The following FBXO25 variants were observed in gnomAD, a reference collection of about 807,000 sequenced individuals.
FBXO25 encodes the protein F-box protein 25.
A neutral mutation model predicts 51.9 loss-of-function variants in FBXO25; 45 were observed. That is an observed-to-expected ratio of 0.87 (90% CI 0.68 to 1.11). The LOEUF (loss-of-function observed/expected upper bound fraction) is 1.11. Among genes scored for constraint, FBXO25 ranks in the 50% most tolerant of loss-of-function variants. The pLI is 0.00. For synonymous variants in FBXO25, 199 were observed against 151.0 expected (o/e 1.32, Z -2.33); for missense variants, 507 against 428.5 (o/e 1.18, Z -1.62).
intron 2 of FBXO25, among the ~76,000 whole-genome samples, chr8:416,776 C>T (rs1305553007): frequency 6.6e-6 from 1 of 152,220 alleles, no homozygotes; most frequent in Non-Finnish European, 1.5e-5. Context: ...TTACTATGTG[C>T]TGTGGTGTCA....
chr8:461,429 G>A (rs914211598), intron 8 of FBXO25, among the ~76,000 whole-genome samples: 1 of 152,188 alleles, frequency 6.6e-6, no homozygotes, highest in Non-Finnish European at 1.5e-5. Context: ...ATGGCAGCAG[G>A]CAAGAGAGCA....
chr8:424,039 A>T (rs953578673), intron 2 of FBXO25, among the ~76,000 whole-genome samples: 2 of 151,128 alleles, frequency 1.3e-5, no homozygotes, highest in Admixed American at 6.6e-5. Context: ...CTCTAATGCT[A>T]TGTGGTACTG....
chr8:446,878 C>G (rs111437374), intron 5 of FBXO25, among the ~76,000 whole-genome samples: 17 of 152,158 alleles, frequency 1.1e-4, no homozygotes, highest in African/African-American at 3.9e-4. Flanking sequence ...TTAGTGATTT[C>G]TCATTCTGGA....
chr8:423,245 T>C (rs1303201665), intron 2 of FBXO25, among the ~76,000 whole-genome samples: 3 of 152,128 alleles, frequency 2.0e-5, no homozygotes, highest in Non-Finnish European at 4.4e-5. Flanking sequence ...GGGGCTAGAG[T>C]CTTCACCATT....
chr8:455,289 G>C (rs968050364), intron 7 of FBXO25, among the ~76,000 whole-genome samples: 1 of 152,202 alleles, frequency 6.6e-6, no homozygotes, highest in Admixed American at 6.5e-5. Context: ...GCCAGGCAGG[G>C]ACCAGCCAGG....
At position 470,854 on chromosome 8, in the gene FBXO25, T is replaced by A. The variant is rs1355846054; in HGVS notation, c.*2050T>A. On this transcript the variant is annotated 3_prime_UTR_variant, in exon 10 of 10. Coordinates refer to ENST00000350302, the MANE Select transcript of FBXO25 (RefSeq NM_183420.2). ...TATATTTATTATCCATTTGCTTTTC[T>A]TGTTTTTGGTAAATTACTTAATGTG... 1 of 152,232 alleles carries A rather than the reference T, an allele frequency of 6.6e-6. No individual in the cohort carries two copies. Among genetic ancestry groups the A allele is most frequent in the Non-Finnish European group, 1.5e-5 (1 of 68,044 alleles). 9.4% of individuals were successfully genotyped at this position (152,232 alleles called of 1,614,324 possible). A position where few individuals can be genotyped will look rare whatever the true frequency, so the allele number is the denominator to read the frequency against.
chr8:439,905 A>C (rs1313955510), intron 5 of FBXO25, among the ~76,000 whole-genome samples: 1 of 152,070 alleles, frequency 6.6e-6, no homozygotes, highest in African/African-American at 2.4e-5. Flanking sequence ...CTGTTTTTAC[A>C]AATAATAATA....
rs1180716508 is a variant in FBXO25 at position 471,134 on chromosome 8, C to T, written c.*2330C>T. 4.6e-5 allele frequency: 7 copies of T among 152,176 alleles called. 1 individual carries two copies. Among genetic ancestry groups the T allele is most frequent in the Admixed American group, 3.3e-4 (5 of 15,278 alleles). 9.4% of individuals were successfully genotyped at this position (152,176 alleles called of 1,614,324 possible). The stretch of plus-strand genomic sequence containing the variant: ...ATAGTGTAGGATTCCAGCTGTTCTG[C>T]TGGGCTGGCATATTTCCACAGGCCA... On this transcript the variant is annotated 3_prime_UTR_variant, in exon 10 of 10. Coordinates refer to ENST00000350302, the MANE Select transcript of FBXO25 (RefSeq NM_183420.2).
Position 412,733 on chromosome 8 carries a change from T to G in FBXO25, c.-7-340T>G, listed in dbSNP as rs1796557911. 3.3e-5 allele frequency among the ~76,000 whole-genome samples: 5 copies of G among 152,218 alleles called. No homozygotes were observed. In the South Asian group the frequency reaches 1.0e-3, roughly 32 times the overall value. ...ATTTCATTTTCGGTTGCTTCTAACTTCTGGCAAAGAGAGAATACTTGTTTG... is the reference window on the plus strand; with the variant it reads ...ATTTCATTTTCGGTTGCTTCTAACTGCTGGCAAAGAGAGAATACTTGTTTG... On this transcript the variant is annotated intron_variant, in intron 1 of 9. Coordinates refer to ENST00000350302, the MANE Select transcript of FBXO25 (RefSeq NM_183420.2).
rs1366992259 is a variant in FBXO25, at chr8:474,211, G to C, written c.*5407G>C. On this transcript the variant is annotated 3_prime_UTR_variant, in exon 10 of 10. Coordinates refer to ENST00000350302, the MANE Select transcript of FBXO25 (RefSeq NM_183420.2). Reference sequence around the variant, plus strand: ...GTATGAGTGGAACCAGAAGGGATTTGTCCTTTTGTGACTGGCTTATTTCAC... The same window carrying C: ...GTATGAGTGGAACCAGAAGGGATTTCTCCTTTTGTGACTGGCTTATTTCAC... 5.9e-6 allele frequency: 1 copy of C among 169,554 alleles called. No homozygotes were observed. The highest frequency in any genetic ancestry group is 1.2e-5 in the Non-Finnish European group (1 of 81,028). 10.5% of individuals were successfully genotyped at this position (169,554 alleles called of 1,614,324 possible). A position where few individuals can be genotyped will look rare whatever the true frequency, so the allele number is the denominator to read the frequency against.
At chr8:451,098 T>C (rs993566521) in intron 6 of FBXO25, 171 bp from the exon 7 acceptor site, 1 of 573,768 alleles carries the variant, frequency 1.7e-6, no homozygotes, top group Admixed American at 3.5e-5. Flanking sequence ...ATGCTGAATA[T>C]GTGTGAGAAT....
At chr8:451,177 C>A (rs915517021) in intron 6 of FBXO25, 92 bp from the exon 7 acceptor site, 2 of 1,060,386 alleles carry the variant, frequency 1.9e-6, no homozygotes, top group Non-Finnish European at 2.7e-6. Flanking sequence ...GTCTGTTCGT[C>A]TATCAGTGGA....
intron 2 of FBXO25, among the ~76,000 whole-genome samples, chr8:427,584 C>T (rs189503379): frequency 1.5e-3 from 220 of 148,978 alleles, no homozygotes; most frequent in Middle Eastern, 6.8e-3. Context: ...AAATGTATGT[C>T]CTCACAATTC....
chr8:450,171 G>T (rs1798991740), intron 6 of FBXO25, 88 bp downstream of exon 6: 2 of 821,536 alleles, frequency 2.4e-6, no homozygotes, highest in Non-Finnish European at 3.8e-6. Flanking sequence ...TCTTTACCCA[G>T]TACACATACT....
chr8:429,037 G>T (rs1260422398), intron 2 of FBXO25, among the ~76,000 whole-genome samples: 1 of 152,024 alleles, frequency 6.6e-6, no homozygotes, highest in Non-Finnish European at 1.5e-5. Flanking sequence ...TCTGCTTTCA[G>T]TTCTTTTGAA....
intron 7 of FBXO25, 128 bp downstream of exon 7, chr8:451,581 T>C (rs1022007240): frequency 1.7e-5 from 15 of 902,008 alleles, no homozygotes; most frequent in Non-Finnish European, 2.3e-5. Context: ...TAAGTATTCA[T>C]TAAATTGTTT....
intron 2 of FBXO25, among the ~76,000 whole-genome samples, chr8:418,840 A>G (rs376937023): frequency 6.6e-6 from 1 of 152,212 alleles, no homozygotes; most frequent in South Asian, 2.1e-4. Flanking sequence ...TAAACGTGCA[A>G]GGAAAAGTGA....
At chr8:430,473 T>C (rs1797760979) in intron 2 of FBXO25, among the ~76,000 whole-genome samples, 1 of 151,804 alleles carries the variant, frequency 6.6e-6, no homozygotes, top group Admixed American at 6.6e-5. Flanking sequence ...TGAATACTGG[T>C]GAGTGGAAAG....
At position 451,340 on chromosome 8, in the gene FBXO25, C is replaced by G; in HGVS notation, c.547C>G (p.Leu183Val). The change falls in exon 7 of 10, where the codon CTT (leucine) becomes GTT (valine). Residue 183 changes from leucine to valine, a missense_variant. Coordinates refer to ENST00000350302, the MANE Select transcript of FBXO25 (RefSeq NM_183420.2). ...AGACCTAAGCTCTACCCTCTGCATT[C>G]TTATTAGAGGAGTAGGGAAGTCTGT... Reference protein sequence around the residue: ...LQDLSSTLCILIRGVGKSVLV... With the variant: ...LQDLSSTLCIVIRGVGKSVLV... The G allele has an allele frequency of 6.2e-7, 1 of 1,613,664 alleles. No homozygotes were observed. Among genetic ancestry groups the G allele is most frequent in the Non-Finnish European group, 8.5e-7 (1 of 1,179,698 alleles).
Sources: allele counts gnomAD v4.1 joint callset (sites outside exome capture counted in the v4.1 genomes callset), GRCh38; gene constraint gnomAD v4.1.1; transcripts MANE v1.5; gene names NCBI Gene and HGNC (gene_info 2026-07-23, HGNC 2026-07-21).